C3orf70: variants seen among roughly 807,000 people sequenced by gnomAD.
The protein encoded by C3orf70 is chromosome 3 open reading frame 70.
A neutral mutation model predicts 20.7 loss-of-function variants in C3orf70; 15 were observed. The observed-to-expected ratio is 0.72, with a 90% CI of 0.48 to 1.11. The LOEUF (loss-of-function observed/expected upper bound fraction) is 1.11. Ranked by LOEUF, C3orf70 falls within the 50% of genes most tolerant of loss-of-function variation. C3orf70 has a pLI of 0.00. For missense variants in C3orf70, 332 were observed against 317.6 expected, an observed-to-expected ratio of 1.05 and a Z score of -0.34; for synonymous variants, 161 against 125.7, an observed-to-expected ratio of 1.28 and a Z score of -1.88.
Position 185,080,396 on chromosome 3 carries a change from C to G in C3orf70, c.*2611G>C, listed in dbSNP as rs950493938. 6.6e-6 allele frequency: 1 copy of G among 152,664 alleles called. No homozygotes were observed. Among genetic ancestry groups the G allele is most frequent in the African/African-American group, 2.4e-5 (1 of 41,460 alleles). 9.5% of individuals were successfully genotyped at this position (152,664 alleles called of 1,614,324 possible). A position where few individuals can be genotyped will look rare whatever the true frequency, so the allele number is the denominator to read the frequency against. ...GGTACTGAGAGACGGCCCAAGCCTG[C>G]CACTGAGCCAGCTGCAGAAATGTGG... On this transcript the variant is annotated 3_prime_UTR_variant, in exon 2 of 2. Transcript: ENST00000335012.
intron 1 of C3orf70, among the ~76,000 whole-genome samples, chr3:185,089,345 T>C (rs1715519241): frequency 6.6e-6 from 1 of 152,206 alleles, no homozygotes; most frequent in South Asian, 2.1e-4. Flanking sequence ...TTTTGTTACT[T>C]ATATTGTTCC....
At position 185,083,078 on chromosome 3, in the gene C3orf70, C is replaced by G. The variant is rs146317967; in HGVS notation, c.682G>C (p.Asp228His). The G allele has an allele frequency of 1.2e-5, 19 of 1,612,086 alleles. No homozygotes were observed. The highest frequency in any genetic ancestry group is 2.7e-5 in the African/African-American group (2 of 74,802). The change falls in exon 2 of 2, where the codon GAT becomes CAT. Residue 228 changes from aspartate to histidine, a missense_variant. Transcript: ENST00000335012. ...GAGGGGGAGAGAAGGGTGCACTCAT[C>G]CGGTTCCCAGCTGCTCTCTGGACTG... is the stretch of plus-strand genomic sequence containing the variant. ...DYSPESSWEP[D>H]ECTLLSPSQS...
At chr3:185,105,359 A>C (rs1019053340) in intron 1 of C3orf70, among the ~76,000 whole-genome samples, 1 of 152,258 alleles carries the variant, frequency 6.6e-6, no homozygotes, top group Non-Finnish European at 1.5e-5. Context: ...CACCTGGCCC[A>C]CTCAGGGTGG....
chr3:185,094,837 C>A (rs368170955), intron 1 of C3orf70, among the ~76,000 whole-genome samples: 1 of 152,240 alleles, frequency 6.6e-6, no homozygotes, highest in African/African-American at 2.4e-5. Context: ...GCTGAGGGAG[C>A]CTTCTCACAA....
chr3:185,110,939 G>A (rs1349376508), intron 1 of C3orf70, among the ~76,000 whole-genome samples: 7 of 152,154 alleles, frequency 4.6e-5, no homozygotes, highest in Admixed American at 4.6e-4. Context: ...CAGCTCTGCA[G>A]GCTGTGAGAC....
At chr3:185,138,908 T>A (rs1035926988) in intron 1 of C3orf70, among the ~76,000 whole-genome samples, 1 of 152,102 alleles carries the variant, frequency 6.6e-6, no homozygotes, top group African/African-American at 2.4e-5. Context: ...GAGACCAGCC[T>A]GGGCAAAATA....
chr3:185,127,444 A>T (rs1047233676), intron 1 of C3orf70, among the ~76,000 whole-genome samples: 9 of 151,940 alleles, frequency 5.9e-5, no homozygotes, highest in African/African-American at 2.2e-4. Flanking sequence ...TTTTTAAATT[A>T]TTATTATTTT....
chr3:185,099,522 A>C lies in C3orf70; in HGVS notation c.197-15959T>G, dbSNP rs1226402917. ...ATCCTTTTCAGACAAGCAAATGCTG[A>C]GATAATTCATTACCACCAGATCTGC... is the stretch of plus-strand genomic sequence containing the variant. On this transcript the variant is annotated intron_variant, in intron 1 of 1. Coordinates refer to ENST00000335012, the MANE Select transcript of C3orf70 (RefSeq NM_001025266.3). Among the ~76,000 whole-genome samples, 4 of 152,254 alleles carry C rather than the reference A, an allele frequency of 2.6e-5. No homozygotes were observed. In the East Asian group the frequency reaches 7.7e-4, roughly 29 times the overall value.
chr3:185,150,333 G>C (rs1163088366), intron 1 of C3orf70, among the ~76,000 whole-genome samples: 1 of 152,156 alleles, frequency 6.6e-6, no homozygotes, highest in Admixed American at 6.5e-5. Context: ...CTGTACTACT[G>C]TTGGTATCCA....
chr3:185,106,259 GCCTTTT>G (rs1347308940), intron 1 of C3orf70, among the ~76,000 whole-genome samples: 1 of 152,130 alleles, frequency 6.6e-6, no homozygotes, highest in African/African-American at 2.4e-5. Context: ...CTACATTTGA[GCCTTTT>G]CCTTTTAAAT....
intron 1 of C3orf70, among the ~76,000 whole-genome samples, chr3:185,136,174 A>G (rs35468615): frequency 0.43 from 65,004 of 152,116 alleles, 15,419 homozygotes; most frequent in Non-Finnish European, 0.56. Flanking sequence ...AATATCAACT[A>G]AAGTCAACTT....
intron 1 of C3orf70, among the ~76,000 whole-genome samples, chr3:185,101,574 A>C (rs1012100627): frequency 1.3e-5 from 2 of 152,226 alleles, no homozygotes; most frequent in African/African-American, 4.8e-5. Context: ...GGGAGGTCTC[A>C]GGAAACTTAC....
At chr3:185,125,855 G>T (rs1466768327) in intron 1 of C3orf70, among the ~76,000 whole-genome samples, 1 of 152,150 alleles carries the variant, frequency 6.6e-6, no homozygotes, top group Non-Finnish European at 1.5e-5. Context: ...AAACTCTAGG[G>T]CATAAAAACA....
At chr3:185,084,273 T>C (rs1167597079) in intron 1 of C3orf70, among the ~76,000 whole-genome samples, 3 of 152,122 alleles carry the variant, frequency 2.0e-5, no homozygotes, top group Non-Finnish European at 2.9e-5. Flanking sequence ...TGTTAATGTA[T>C]ATATTTTTCC....
At chr3:185,100,150 AATT>A (rs1715792130) in intron 1 of C3orf70, among the ~76,000 whole-genome samples, 1 of 152,166 alleles carries the variant, frequency 6.6e-6, no homozygotes, top group South Asian at 2.1e-4. Flanking sequence ...CGAGGCAAAA[AATT>A]AAAAAAGATA....
intron 1 of C3orf70, among the ~76,000 whole-genome samples, chr3:185,126,687 C>A (rs925077041): frequency 2.6e-5 from 4 of 152,100 alleles, no homozygotes; most frequent in Admixed American, 1.3e-4. Flanking sequence ...TTAAGTGAAA[C>A]AATCATGGGG....
intron 1 of C3orf70, among the ~76,000 whole-genome samples, chr3:185,111,702 C>T (rs1020231991): frequency 6.6e-6 from 1 of 152,084 alleles, no homozygotes; most frequent in South Asian, 2.1e-4. Flanking sequence ...GATCTCTGGC[C>T]ACACTGATTG....
chr3:185,119,837 A>C (rs1386048187), intron 1 of C3orf70, among the ~76,000 whole-genome samples: 1 of 151,904 alleles, frequency 6.6e-6, no homozygotes, highest in Non-Finnish European at 1.5e-5. Flanking sequence ...CATCCTGGCC[A>C]ACATAGTGAA....
At chr3:185,117,447 ACAC>A (rs1716202099) in intron 1 of C3orf70, among the ~76,000 whole-genome samples, 1 of 132,770 alleles carries the variant, frequency 7.5e-6, no homozygotes, top group African/African-American at 3.4e-5. Context: ...ACACACACAC[ACAC>A]AGAAAGAGAG....
Sources: gnomAD v4.1 joint callset for allele counts (sites outside exome capture counted in the v4.1 genomes callset) on GRCh38, gnomAD v4.1.1 for gene constraint, MANE v1.5 for transcripts, NCBI Gene and HGNC (gene_info 2026-07-23, HGNC 2026-07-21) for gene names.